Variants in COL19A1 observed in about 807,000 individuals in gnomAD.
COL19A1 encodes the protein collagen type XIX alpha 1 chain.
Under a neutral mutation model 190.2 loss-of-function variants are expected in COL19A1, and 159 were observed. The ratio of observed to expected loss-of-function variants is 0.84; its 90% confidence interval spans 0.73 to 0.95. The LOEUF (loss-of-function observed/expected upper bound fraction) is 0.95. COL19A1 is among the 40% of genes least tolerant of loss of function. COL19A1 has a pLI of 0.00. For missense variants in COL19A1, 1,418 were observed against 1,431.9 expected (o/e 0.99, Z 0.16); for synonymous variants, 509 against 458.9 (o/e 1.11, Z -1.39).
intron 42 of COL19A1, among the ~76,000 whole-genome samples, chr6:70,177,114 A>G: frequency 6.6e-6 from 1 of 152,182 alleles, no homozygotes. Context: ...TTTCAAATGA[A>G]TAGGAAGTGT....
chr6:70,140,967 C>T lies in COL19A1; in HGVS notation c.1460C>T (p.Thr487Ile), dbSNP rs1786212945. ...GQKGEPGEPFTKGEKGDRGEP... is the reference protein window; with the variant it reads ...GQKGEPGEPFIKGEKGDRGEP... ...CCTTCTCCTTAGGGAGAGCCTTTTA[C>T]AAAAGGAGAAAAAGGAGATAGAGTA... The change falls in exon 20 of 51, where the codon ACA becomes ATA. Residue 487 changes from threonine to isoleucine, a missense_variant. Physicochemically the swap from Thr to Ile is moderately conservative, Grantham distance 89. Transcript: ENST00000620364. 2.5e-6 allele frequency: 4 copies of T among 1,609,568 alleles called. No individual in the cohort carries two copies. The highest frequency in any genetic ancestry group is 3.4e-6 in the Non-Finnish European group (4 of 1,177,018).
At position 69,868,765 on chromosome 6, in the gene COL19A1, C is replaced by T. The variant is rs894853053; in HGVS notation, c.-33+2125C>T. On this transcript the variant is annotated intron_variant, in intron 1 of 50. Transcript: ENST00000620364. ...AACAGATGGGAACTGTTGGTATTTT[C>T]CAAAAATGGAAAATTTCCATCTACT... Among the ~76,000 whole-genome samples, 5 of 152,146 alleles carry T rather than the reference C, an allele frequency of 3.3e-5. No individual in the cohort carries two copies. The East Asian group carries it at 7.7e-4, about 23-fold the overall frequency.
chr6:69,936,866 G>A lies in COL19A1; in HGVS notation c.829G>A (p.Ala277Thr). Residue 277 changes from alanine to threonine, a missense_variant, in exon 8 of 51, where the codon GCA becomes ACA. By Grantham distance (58) the Ala-to-Thr change is moderately conservative. Coordinates refer to ENST00000620364, the MANE Select transcript of COL19A1 (RefSeq NM_001858.6). ...CAGTAAAATGTCTTCATATCTGCCA[G>A]CAAAGCAGGAACTTAAAGACCAGTG... ...HASKMSSYLP[A>T]KQELKDQCQC... 6.2e-7 allele frequency: 1 copy of A among 1,613,126 alleles called. No individual in the cohort carries two copies. The highest frequency in any genetic ancestry group is 8.5e-7 in the Non-Finnish European group (1 of 1,179,292).
intron 44 of COL19A1, among the ~76,000 whole-genome samples, chr6:70,184,109 T>C (rs1766359727): frequency 6.6e-6 from 1 of 152,240 alleles, no homozygotes; most frequent in African/African-American, 2.4e-5. Flanking sequence ...TGATTATACA[T>C]TTCTTGCTTT....
At chr6:69,871,136 G>A (rs781013097) in intron 1 of COL19A1, among the ~76,000 whole-genome samples, 4 of 152,124 alleles carry the variant, frequency 2.6e-5, no homozygotes, top group Non-Finnish European at 4.4e-5. Flanking sequence ...AGACCTAGTC[G>A]TAAACTCTTA....
chr6:70,184,539 C>G (rs570665139), intron 44 of COL19A1, among the ~76,000 whole-genome samples, 164 bp from the exon 45 acceptor site: 1 of 152,280 alleles, frequency 6.6e-6, no homozygotes, highest in East Asian at 1.9e-4. Flanking sequence ...AATCCGAACT[C>G]AGGACTGTCA....
intron 14 of COL19A1, among the ~76,000 whole-genome samples, chr6:70,068,146 G>T (rs551797139): frequency 6.6e-6 from 1 of 151,856 alleles, no homozygotes; most frequent in Admixed American, 6.6e-5. Flanking sequence ...TTGAAACATG[G>T]TTCCAATCAT....
Position 70,184,684 on chromosome 6 carries a change from A to G in COL19A1, c.2776-19A>G. ...TGTTAATGCAGAGTTAGAAATATTA[A>G]TCCTTTTTTTCTTTATAGGGAATAA... is the stretch of plus-strand genomic sequence containing the variant. On this transcript the variant is annotated intron_variant, in intron 44 of 50. Coordinates refer to ENST00000620364, the MANE Select transcript of COL19A1 (RefSeq NM_001858.6). 1.3e-6 allele frequency: 2 copies of G among 1,574,198 alleles called. No homozygotes were observed. The highest frequency in any genetic ancestry group is 1.7e-6 in the Non-Finnish European group (2 of 1,150,354).
rs1298314937 is a variant in COL19A1 at position 70,002,839 on chromosome 6, G to A, written c.1027-20788G>A. 3.4e-5 allele frequency among the ~76,000 whole-genome samples: 5 copies of A among 148,026 alleles called. No homozygotes were observed. In the East Asian group the frequency reaches 9.8e-4, roughly 29 times the overall value. ...TTTTTTCCTCAAAAAAGCAGCACCT[G>A]GATTCATTGATTTTTTGGAGGGTTT... is the stretch of plus-strand genomic sequence containing the variant. On this transcript the variant is annotated intron_variant, in intron 11 of 50. Transcript: ENST00000620364.
intron 10 of COL19A1, among the ~76,000 whole-genome samples, chr6:69,960,991 A>G (rs1402731180): frequency 6.6e-6 from 1 of 152,132 alleles, no homozygotes; most frequent in Non-Finnish European, 1.5e-5. Flanking sequence ...TACTAAAAAC[A>G]CAGAGACCAT....
intron 30 of COL19A1, 152 bp from the exon 31 acceptor site, chr6:70,151,245 T>C (rs1340313125): frequency 1.5e-6 from 1 of 648,794 alleles, no homozygotes. Context: ...CATTTCTTTA[T>C]ACGAAACATA....
At chr6:70,065,425 G>A (rs1426497735) in intron 14 of COL19A1, among the ~76,000 whole-genome samples, 2 of 152,074 alleles carry the variant, frequency 1.3e-5, no homozygotes, top group Non-Finnish European at 2.9e-5. Context: ...CTGAAACTGG[G>A]TCCCTTCCTT....
intron 13 of COL19A1, 39 bp from the exon 14 acceptor site, chr6:70,035,865 G>T: frequency 6.4e-7 from 1 of 1,570,502 alleles, no homozygotes; most frequent in Non-Finnish European, 8.8e-7. Context: ...TGCAAAAAGG[G>T]ACTAGTGGTA....
intron 15 of COL19A1, among the ~76,000 whole-genome samples, chr6:70,079,797 G>A (rs1782127331): frequency 6.6e-6 from 1 of 152,182 alleles, no homozygotes; most frequent in Admixed American, 6.5e-5. Flanking sequence ...AAGCTGAGGT[G>A]TAAAGAGAGA....
At chr6:69,917,238 T>G (rs1179033852) in intron 4 of COL19A1, among the ~76,000 whole-genome samples, 3 of 152,226 alleles carry the variant, frequency 2.0e-5, no homozygotes, top group Non-Finnish European at 4.4e-5. Context: ...CTATCAAAGT[T>G]TTTGATTAAC....
At chr6:70,138,016 T>C (rs1054805031) in intron 19 of COL19A1, among the ~76,000 whole-genome samples, 1 of 152,136 alleles carries the variant, frequency 6.6e-6, no homozygotes, top group African/African-American at 2.4e-5. Flanking sequence ...GTTAAAAAAC[T>C]TTGCCCAAAG....
At chr6:69,956,209 A>G (rs1175594882) in intron 9 of COL19A1, among the ~76,000 whole-genome samples, 4 of 152,000 alleles carry the variant, frequency 2.6e-5, no homozygotes, top group Non-Finnish European at 5.9e-5. Context: ...CATGATCAAG[A>G]CATGTATTGA....
chr6:70,008,739 G>T (rs1370526191), intron 11 of COL19A1, among the ~76,000 whole-genome samples: 1 of 151,548 alleles, frequency 6.6e-6, no homozygotes, highest in Admixed American at 6.6e-5. Context: ...AAGTCCATAG[G>T]CCAATATCTC....
chr6:69,871,266 T>C (rs1360375789), intron 1 of COL19A1, among the ~76,000 whole-genome samples: 1 of 152,172 alleles, frequency 6.6e-6, no homozygotes, highest in Non-Finnish European at 1.5e-5. Flanking sequence ...ATTCTAAAGA[T>C]TGGTGAAAGA....
Sources: gnomAD v4.1 joint callset for allele counts (sites outside exome capture counted in the v4.1 genomes callset) on GRCh38, gnomAD v4.1.1 for gene constraint, MANE v1.5 for transcripts, NCBI Gene and HGNC (gene_info 2026-07-23, HGNC 2026-07-21) for gene names.